The following FILIP1L variants were observed in gnomAD, a reference collection of about 807,000 sequenced individuals.
The protein encoded by FILIP1L is filamin A interacting protein 1 like.
A neutral mutation model predicts 96.6 loss-of-function variants in FILIP1L; 55 were observed. The observed-to-expected ratio is 0.57, with a 90% CI of 0.46 to 0.71. FILIP1L has a LOEUF of 0.71. Ranked by LOEUF, FILIP1L falls within the 30% of genes least tolerant of loss-of-function variation. The pLI, the probability that FILIP1L is intolerant of heterozygous loss-of-function variation, is 0.00. For synonymous variants in FILIP1L, 467 were observed against 473.9 expected, an observed-to-expected ratio of 0.99 and a Z score of 0.19; for missense variants, 1,304 against 1,321.2, an observed-to-expected ratio of 0.99 and a Z score of 0.20.
intron 4 of FILIP1L, among the ~76,000 whole-genome samples, chr3:99,881,330 A>G (rs1705720183): frequency 6.6e-6 from 1 of 152,326 alleles, no homozygotes; most frequent in East Asian, 1.9e-4. Context: ...TTTCCTTGGT[A>G]ACTAATAATA....
chr3:99,962,475 G>A (rs1403661171), intron 1 of FILIP1L, among the ~76,000 whole-genome samples: 1 of 152,148 alleles, frequency 6.6e-6, no homozygotes, highest in African/African-American at 2.4e-5. Flanking sequence ...TCAGTCATTA[G>A]GGTTAGACAG....
At chr3:100,007,605 G>T (rs1490973005) in intron 1 of FILIP1L, among the ~76,000 whole-genome samples, 2 of 152,188 alleles carry the variant, frequency 1.3e-5, no homozygotes, top group African/African-American at 4.8e-5. Context: ...GAGAGGCCCA[G>T]AATTGGCCCA....
chr3:99,942,279 T>G (rs1219229051), intron 1 of FILIP1L, among the ~76,000 whole-genome samples: 1 of 152,222 alleles, frequency 6.6e-6, no homozygotes, highest in Non-Finnish European at 1.5e-5. Flanking sequence ...ATGTGCTTTT[T>G]ATTTTTCCAG....
At chr3:100,106,106 T>A (rs1278038998) in intron 1 of FILIP1L, among the ~76,000 whole-genome samples, 1 of 152,072 alleles carries the variant, frequency 6.6e-6, no homozygotes, top group Non-Finnish European at 1.5e-5. Flanking sequence ...AAATATGATA[T>A]TACTGTCAAT....
intron 1 of FILIP1L, among the ~76,000 whole-genome samples, chr3:100,103,250 C>T (rs2066338919): frequency 6.6e-6 from 1 of 152,202 alleles, no homozygotes; most frequent in East Asian, 1.9e-4. Context: ...AAGGCAGCAG[C>T]TCACAGTGGC....
At chr3:99,909,532 C>A (rs986644575) in intron 4 of FILIP1L, among the ~76,000 whole-genome samples, 3 of 152,122 alleles carry the variant, frequency 2.0e-5, no homozygotes, top group African/African-American at 7.2e-5. Context: ...CATAATCATT[C>A]ATGGCAAGGG....
intron 1 of FILIP1L, among the ~76,000 whole-genome samples, chr3:100,104,209 C>T (rs577758649): frequency 1.3e-5 from 2 of 152,248 alleles, no homozygotes; most frequent in East Asian, 3.9e-4. Flanking sequence ...GTAGGGACTG[C>T]AAAGAAGCTT....
chr3:99,930,647 C>G, intron 2 of FILIP1L, 122 bp downstream of exon 2: 4 of 1,033,574 alleles, frequency 3.9e-6, no homozygotes, highest in Non-Finnish European at 5.6e-6. Context: ...TATACTTATG[C>G]TTTGCTTTCA....
chr3:99,971,307 A>T (rs967031693), intron 1 of FILIP1L, among the ~76,000 whole-genome samples: 8 of 147,280 alleles, frequency 5.4e-5, no homozygotes, highest in Non-Finnish European at 8.9e-5. Context: ...GCCACTGCCC[A>T]CCAGCCTGGG....
chr3:100,048,430 G>C (rs1029634041), intron 1 of FILIP1L, among the ~76,000 whole-genome samples: 10 of 152,120 alleles, frequency 6.6e-5, no homozygotes, highest in African/African-American at 1.2e-4. Flanking sequence ...GAAGAGTAGA[G>C]CCAGCTCTTC....
chr3:99,913,462 G>A (rs1203639724), intron 4 of FILIP1L, among the ~76,000 whole-genome samples: 1 of 152,134 alleles, frequency 6.6e-6, no homozygotes, highest in Admixed American at 6.5e-5. Context: ...AAAGTAAGAG[G>A]CATTTGAAGT....
intron 1 of FILIP1L, among the ~76,000 whole-genome samples, chr3:100,056,737 C>T (rs567350504): frequency 2.0e-5 from 3 of 151,422 alleles, no homozygotes; most frequent in Middle Eastern, 3.2e-3. Context: ...CGGTGGCTCA[C>T]GCCTGTAATC....
intron 1 of FILIP1L, among the ~76,000 whole-genome samples, chr3:100,043,044 C>G (rs553294367): frequency 4.6e-5 from 7 of 152,352 alleles, no homozygotes; most frequent in Non-Finnish European, 7.4e-5. Context: ...TTGCTCATCT[C>G]TCTTTACCTC....
intron 1 of FILIP1L, among the ~76,000 whole-genome samples, chr3:100,092,202 G>A (rs1248007057): frequency 1.3e-5 from 2 of 152,162 alleles, no homozygotes; most frequent in Non-Finnish European, 2.9e-5. Context: ...TAAATAGGAG[G>A]TAGAAAAGAG....
chr3:99,896,642 A>G (rs1706264427), intron 4 of FILIP1L, among the ~76,000 whole-genome samples: 1 of 152,202 alleles, frequency 6.6e-6, no homozygotes, highest in African/African-American at 2.4e-5. Context: ...CAGGCACCAA[A>G]TTACTATCTT....
intron 4 of FILIP1L, among the ~76,000 whole-genome samples, chr3:99,917,047 T>A (rs1245576400): frequency 6.6e-6 from 1 of 152,206 alleles, no homozygotes; most frequent in Non-Finnish European, 1.5e-5. Flanking sequence ...TTAGTCCAAA[T>A]GGAACAGAAG....
At chr3:100,013,486 C>T (rs558401502) in intron 1 of FILIP1L, among the ~76,000 whole-genome samples, 1 of 152,106 alleles carries the variant, frequency 6.6e-6, no homozygotes, top group South Asian at 2.1e-4. Context: ...TCAGGTGGTC[C>T]ATCCACCTCG....
chr3:99,833,383 C>T (rs958269026), intron 5 of FILIP1L: 3 of 762,352 alleles, frequency 3.9e-6, no homozygotes, highest in Admixed American at 2.7e-5. Context: ...TCCCTGGTTA[C>T]AGTGAGTTAT....
At chr3:99,949,447 G>A (rs2107686607) in intron 1 of FILIP1L, among the ~76,000 whole-genome samples, 1 of 152,260 alleles carries the variant, frequency 6.6e-6, no homozygotes, top group South Asian at 2.1e-4. Flanking sequence ...TTTACTTGAG[G>A]AAGTCAGGAA....
Sources: gnomAD v4.1 joint callset for allele counts (sites outside exome capture counted in the v4.1 genomes callset) on GRCh38, gnomAD v4.1.1 for gene constraint, MANE v1.5 for transcripts, NCBI Gene and HGNC (gene_info 2026-07-23, HGNC 2026-07-21) for gene names.